ZNF627: variants seen among roughly 807,000 people sequenced by gnomAD.
ZNF627 encodes zinc finger protein 627.
Under a neutral mutation model 10.6 loss-of-function variants are expected in ZNF627, and 12 were observed. The ratio of observed to expected loss-of-function variants is 1.13; its 90% CI spans 0.73 to 1.84. The LOEUF (loss-of-function observed/expected upper bound fraction) is 1.84, where lower values mean the gene tolerates loss of function less well. Ranked by LOEUF, ZNF627 falls within the 40% of genes most tolerant of loss-of-function variation. The pLI is 0.00. For missense variants in ZNF627, 504 were observed against 568.4 expected (o/e 0.89, Z 1.15); for synonymous variants, 176 against 187.1 (o/e 0.94, Z 0.48).
At chr19:11,600,264 C>T (rs57452658) in intron 1 of ZNF627, among the ~76,000 whole-genome samples, 5,598 of 151,974 alleles carry the variant, frequency 0.037, 343 homozygotes, top group African/African-American at 0.13. Context: ...CACAGTGAAA[C>T]CCTGTCTCTA....
chr19:11,612,114 A>G (rs539748174), intron 1 of ZNF627, among the ~76,000 whole-genome samples: 30 of 126,898 alleles, frequency 2.4e-4, no homozygotes, highest in African/African-American at 8.6e-4. Context: ...TAAGGGTCCA[A>G]CTGCTTTTTT....
At position 11,598,274 on chromosome 19, in the gene ZNF627, C is replaced by CT. The variant is rs1417358850; in HGVS notation, c.3+645dup. Among the ~76,000 whole-genome samples, 4 of 152,104 alleles carry CT rather than the reference C, an allele frequency of 2.6e-5. No individual in the cohort carries two copies. The South Asian group carries it at 6.2e-4, about 24-fold the overall frequency. ...GAGGCTGGAGCGCGGTGGCTCACGC[C>CT]TGTAATCGCAGCGCTTTTGGAGGCC... On this transcript the variant is annotated intron_variant, in intron 1 of 3. Transcript: ENST00000361113.
chr19:11,617,633 C>T lies in ZNF627; in HGVS notation c.1130C>T (p.Ser377Leu), dbSNP rs774799317. Residue 377 changes from serine (S) to leucine (L), a missense_variant, in exon 4 of 4, where the codon TCG becomes TTG. Ser to Leu is a moderately radical substitution (Grantham distance 145). Transcript: ENST00000361113. ...GGGAAAGCCTTCAGTTGTTCCAGTT[C>T]GTTTCGAAAACATGAAAGAATTCAC... is the stretch of plus-strand genomic sequence containing the variant. ...QCGKAFSCSS[S>L]FRKHERIHTG... 9.3e-6 allele frequency: 15 copies of T among 1,610,328 alleles called. 1 individual carries two copies. The highest frequency in any genetic ancestry group is 1.6e-4 in the Middle Eastern group (1 of 6,070).
chr19:11,607,031 C>T (rs1973687168), intron 1 of ZNF627, among the ~76,000 whole-genome samples: 1 of 152,156 alleles, frequency 6.6e-6, no homozygotes, highest in African/African-American at 2.4e-5. Flanking sequence ...TGTGATGTGT[C>T]CTGGAGACAT....
Position 11,617,337 on chromosome 19 carries a change from C to G in ZNF627, c.834C>G (p.Pro278=). The change falls in exon 4 of 4, where the codon CCC becomes CCG. Residue 278 remains proline, a synonymous_variant. Coordinates refer to ENST00000361113, the MANE Select transcript of ZNF627 (RefSeq NM_145295.4). ...IHERTHTGEK[P]YECKQCGKAF... is the part of the protein sequence containing the mutation. ...AACGAACTCACACAGGAGAGAAACC[C>G]TACGAATGTAAACAGTGCGGTAAAG... 6.2e-7 allele frequency: 1 copy of G among 1,613,918 alleles called. No individual in the cohort carries two copies. The highest frequency in any genetic ancestry group is 8.5e-7 in the Non-Finnish European group (1 of 1,180,004).
intron 1 of ZNF627, among the ~76,000 whole-genome samples, chr19:11,609,068 G>A (rs911821780): frequency 6.6e-6 from 1 of 151,960 alleles, no homozygotes; most frequent in Non-Finnish European, 1.5e-5. Flanking sequence ...ACAGGGTTTT[G>A]CCATGTTGTC....
At chr19:11,612,118 CTTTTT>C (rs533449447) in intron 1 of ZNF627, among the ~76,000 whole-genome samples, 1 of 91,722 alleles carries the variant, frequency 1.1e-5, no homozygotes, top group Non-Finnish European at 2.1e-5. Context: ...GGTCCAACTG[CTTTTT>C]TTTTTTTTTT....
chr19:11,602,231 T>C (rs1234831881), intron 1 of ZNF627, among the ~76,000 whole-genome samples: 1 of 152,016 alleles, frequency 6.6e-6, no homozygotes. Flanking sequence ...GTTCAGGGGC[T>C]GGAGGAAGAA....
At chr19:11,599,483 G>A (rs1973548151) in intron 1 of ZNF627, among the ~76,000 whole-genome samples, 1 of 152,186 alleles carries the variant, frequency 6.6e-6, no homozygotes, top group African/African-American at 2.4e-5. Flanking sequence ...CCACTGAGGT[G>A]ATGCAAGAAC....
chr19:11,607,612 C>T (rs1469025009), intron 1 of ZNF627, among the ~76,000 whole-genome samples: 1 of 152,224 alleles, frequency 6.6e-6, no homozygotes, highest in Non-Finnish European at 1.5e-5. Context: ...AGTCTCTTTG[C>T]TAAAACATAA....
intron 1 of ZNF627, among the ~76,000 whole-genome samples, chr19:11,613,627 AT>A (rs1229930406): frequency 6.6e-6 from 1 of 152,098 alleles, no homozygotes; most frequent in African/African-American, 2.4e-5. Context: ...AAGTGTTGGG[AT>A]TACAGGCGTG....
At chr19:11,614,133 G>A (rs1353951532) in intron 1 of ZNF627, among the ~76,000 whole-genome samples, 1 of 151,804 alleles carries the variant, frequency 6.6e-6, no homozygotes, top group African/African-American at 2.4e-5. Flanking sequence ...TGTTAGCCAG[G>A]ATGGTCTCGA....
chr19:11,602,125 C>A (rs1028534747), intron 1 of ZNF627, among the ~76,000 whole-genome samples: 5 of 150,726 alleles, frequency 3.3e-5, no homozygotes, highest in Non-Finnish European at 5.9e-5. Context: ...AGGCAGGATG[C>A]AGGGTGCAAA....
Position 11,618,980 on chromosome 19 carries a change from T to G in ZNF627, c.*1091T>G, listed in dbSNP as rs1421658893. On this transcript the variant is annotated 3_prime_UTR_variant, in exon 4 of 4. Coordinates refer to ENST00000361113, the MANE Select transcript of ZNF627 (RefSeq NM_145295.4). ...AATTTTACTTTTCATGCTTATATAG[T>G]TTCAACTTTTATCTTCATAGTAATT... 1 of 152,186 alleles carries G rather than the reference T, an allele frequency of 6.6e-6. No homozygotes were observed. Among genetic ancestry groups the G allele is most frequent in the African/African-American group, 2.4e-5 (1 of 41,450 alleles). The allele number at this position is 152,186 out of a possible 1,614,324, so 9.4% of individuals were successfully genotyped here. A position where few individuals can be genotyped will look rare whatever the true frequency, so the allele number is the denominator to read the frequency against.
In ZNF627 at chr19:11,609,751, C is replaced by A. The variant is rs55836175; in HGVS notation, c.4-4776C>A. Among the ~76,000 whole-genome samples the A allele has an allele frequency of 5.2e-3, 786 of 151,900 alleles. 7 individuals carry two copies. The highest frequency in any genetic ancestry group is 0.016 in the African/African-American group (673 of 41,476). Reference sequence around the variant, plus strand: ...ACCAGGCTGGCCTCTAACTCCTGACCTTGTGATCCGCCCACCTTGGCCTCC... The same window carrying A: ...ACCAGGCTGGCCTCTAACTCCTGACATTGTGATCCGCCCACCTTGGCCTCC... On this transcript the variant is annotated intron_variant, in intron 1 of 3. Coordinates refer to ENST00000361113, the MANE Select transcript of ZNF627 (RefSeq NM_145295.4).
Position 11,597,512 on chromosome 19 carries a change from G to A in ZNF627, c.-116G>A, listed in dbSNP as rs377368298. 23 of 1,138,176 alleles carry A rather than the reference G, an allele frequency of 2.0e-5. No individual in the cohort carries two copies. In the African/African-American group the frequency reaches 2.5e-4, roughly 13 times the overall value. The allele number at this position is 1,138,176 out of a possible 1,614,324, so 70.5% of individuals were successfully genotyped here. ...CTGGCGACCGTCCCCACCCGGGCTC[G>A]CGTCTCCGTTTCTCCGAGAGGCCCA... On this transcript the variant is annotated 5_prime_UTR_variant, in exon 1 of 4. Transcript: ENST00000361113.
At position 11,617,249 on chromosome 19, in the gene ZNF627, A is replaced by C. The variant is rs368365975; in HGVS notation, c.746A>C (p.Lys249Thr). Residue 249 changes from lysine (K) to threonine (T), a missense_variant, in exon 4 of 4, where the codon AAA (lysine) becomes ACA (threonine). Transcript: ENST00000361113. The stretch of plus-strand genomic sequence containing the variant: ...CATGAAAGGACTCACACTGGAGATA[A>C]ACCCTATGAATGCAAGCAGTGTGGG... The part of the protein sequence containing the change: ...RIHERTHTGD[K>T]PYECKQCGKA... 1 of 1,613,712 alleles carries C rather than the reference A, an allele frequency of 6.2e-7. No homozygotes were observed. Among genetic ancestry groups the C allele is most frequent in the South Asian group, 1.1e-5 (1 of 91,064 alleles).
At chr19:11,601,876 C>T (rs984207642) in intron 1 of ZNF627, among the ~76,000 whole-genome samples, 4 of 151,326 alleles carry the variant, frequency 2.6e-5, no homozygotes, top group African/African-American at 7.3e-5. Flanking sequence ...CATGGTGGTG[C>T]GTGCCTGTAA....
At chr19:11,612,716 G>C (rs537644421) in intron 1 of ZNF627, among the ~76,000 whole-genome samples, 1 of 151,856 alleles carries the variant, frequency 6.6e-6, no homozygotes, top group Non-Finnish European at 1.5e-5. Context: ...CCACCTTGCC[G>C]GGCCTCAACT....
Sources: allele counts gnomAD v4.1 joint callset (sites outside exome capture counted in the v4.1 genomes callset), GRCh38; gene constraint gnomAD v4.1.1; transcripts MANE v1.5; gene names NCBI Gene and HGNC (gene_info 2026-07-23, HGNC 2026-07-21).